Variants in OSBPL10 observed in about 807,000 individuals in gnomAD.
OSBPL10 encodes the protein oxysterol binding protein like 10, also known as oxysterol-binding protein-related protein 10.
Under a neutral mutation model 81.7 loss-of-function variants are expected in OSBPL10, and 49 were observed. The ratio of observed to expected loss-of-function variants is 0.60; its 90% CI spans 0.48 to 0.76. OSBPL10 has a LOEUF of 0.76. OSBPL10 is among the 30% of genes least tolerant of loss of function. OSBPL10 has a pLI of 0.00. For synonymous variants in OSBPL10, 419 were observed against 383.6 expected (o/e 1.09, Z -1.08); for missense variants, 923 against 987.8 (o/e 0.93, Z 0.88).
At chr3:31,991,728 T>C (rs1699032552) in intron 2 of OSBPL10, 1 of 155,876 alleles carries the variant, frequency 6.4e-6, no homozygotes, top group Non-Finnish European at 1.5e-5. Flanking sequence ...AAAAAATGGA[T>C]AACTAATACA....
At chr3:31,725,211 A>G (rs1349248225) in intron 6 of OSBPL10, among the ~76,000 whole-genome samples, 1 of 152,236 alleles carries the variant, frequency 6.6e-6, no homozygotes, top group Admixed American at 6.5e-5. Flanking sequence ...AGTGAATAAA[A>G]TAATTGCATA....
intron 1 of OSBPL10, among the ~76,000 whole-genome samples, chr3:32,067,537 G>A (rs191162488): frequency 4.6e-5 from 7 of 152,306 alleles, no homozygotes; most frequent in African/African-American, 1.7e-4. Context: ...CAGATGGCCT[G>A]AAGCAACTGA....
At chr3:31,772,886 C>T (rs986962534) in intron 4 of OSBPL10, among the ~76,000 whole-genome samples, 18 of 152,134 alleles carry the variant, frequency 1.2e-4, no homozygotes, top group African/African-American at 4.1e-4. Flanking sequence ...ATTCTCGGAA[C>T]CTTCCTCTTC....
At position 31,988,603 on chromosome 3, in the gene OSBPL10, T is replaced by TCTCG. The variant is rs561393896; in HGVS notation, n.298+57884_298+57887dup. The TCTCG allele has an allele frequency of 1.7e-4, 30 of 174,570 alleles. No homozygotes were observed. The South Asian group carries it at 4.1e-3, about 24-fold the overall frequency. 10.8% of individuals were successfully genotyped at this position (174,570 alleles called of 1,614,324 possible). ...AGCTTATAAACAGGGGAGTGTTCAC[T>TCTCG]CTCGCTCTCTCTCTCTCTTTCTCTC... On this transcript the variant is annotated intron_variant and non_coding_transcript_variant, in intron 2 of 3. Coordinates refer to the OSBPL10 transcript ENST00000479173.
intron 1 of OSBPL10, among the ~76,000 whole-genome samples, chr3:31,901,502 T>A (rs1029905054): frequency 5.9e-5 from 9 of 152,230 alleles, no homozygotes; most frequent in African/African-American, 2.2e-4. Flanking sequence ...TTCTTACTTG[T>A]GCTTTCAGAT....
At chr3:32,024,978 G>C (rs570503235) in intron 2 of OSBPL10, among the ~76,000 whole-genome samples, 4 of 152,204 alleles carry the variant, frequency 2.6e-5, no homozygotes, top group African/African-American at 7.2e-5. Context: ...TTGCAACATG[G>C]ATGTCTTTTT....
At chr3:31,680,221 CAGAG>C (rs1330307015) in intron 8 of OSBPL10, among the ~76,000 whole-genome samples, 1 of 152,222 alleles carries the variant, frequency 6.6e-6, no homozygotes, top group Non-Finnish European at 1.5e-5. Flanking sequence ...TTCTCAGTGT[CAGAG>C]AGAGGCCTCA....
intron 4 of OSBPL10, among the ~76,000 whole-genome samples, chr3:31,802,562 A>AAC (rs1379420212): frequency 6.6e-6 from 1 of 150,990 alleles, no homozygotes; most frequent in African/African-American, 2.4e-5. Flanking sequence ...AAAAAAAAAA[A>AAC]AAAAAAAAAG....
intron 8 of OSBPL10, among the ~76,000 whole-genome samples, chr3:31,674,111 T>C (rs1053353113): frequency 1.3e-5 from 2 of 152,120 alleles, no homozygotes; most frequent in Non-Finnish European, 1.5e-5. Flanking sequence ...ATGTTGAAAT[T>C]TGATCTCCAA....
At chr3:31,850,550 A>G (rs1033820422) in intron 3 of OSBPL10, among the ~76,000 whole-genome samples, 1 of 152,190 alleles carries the variant, frequency 6.6e-6, no homozygotes, top group African/African-American at 2.4e-5. Flanking sequence ...CAACGTGTAA[A>G]AAAGGAAACC....
At chr3:31,756,010 A>G (rs539503363) in intron 4 of OSBPL10, among the ~76,000 whole-genome samples, 1 of 152,316 alleles carries the variant, frequency 6.6e-6, no homozygotes, top group South Asian at 2.1e-4. Context: ...TATCTTTACA[A>G]ACTCCTTAGG....
chr3:31,767,737 C>A (rs1220114146), intron 4 of OSBPL10, among the ~76,000 whole-genome samples: 2 of 152,150 alleles, frequency 1.3e-5, no homozygotes, highest in Non-Finnish European at 2.9e-5. Flanking sequence ...TGAATGCACC[C>A]TTCAGGCTCT....
chr3:31,989,511 G>T (rs1698993336), intron 2 of OSBPL10: 2 of 1,614,138 alleles, frequency 1.2e-6, no homozygotes, highest in East Asian at 2.2e-5. Flanking sequence ...ATGATCGAAG[G>T]CATCCTGGAA....
At chr3:31,978,678 G>A (rs1201311923) in intron 1 of OSBPL10, among the ~76,000 whole-genome samples, 1 of 152,166 alleles carries the variant, frequency 6.6e-6, no homozygotes, top group Admixed American at 6.5e-5. Context: ...TTGGAAAACG[G>A]TGAGTCTACT....
At chr3:31,871,004 C>T (rs7639994) in intron 3 of OSBPL10, among the ~76,000 whole-genome samples, 46 of 152,252 alleles carry the variant, frequency 3.0e-4, no homozygotes, top group African/African-American at 1.1e-3. Context: ...ATTGTAAACG[C>T]ACCAATCAGC....
intron 1 of OSBPL10, among the ~76,000 whole-genome samples, chr3:31,964,181 G>A (rs965949238): frequency 2.6e-5 from 4 of 151,810 alleles, no homozygotes; most frequent in African/African-American, 9.7e-5. Flanking sequence ...GTTTGATACA[G>A]GGTCTCACAC....
chr3:31,907,944 A>G (rs186909791), intron 1 of OSBPL10, among the ~76,000 whole-genome samples: 2 of 152,296 alleles, frequency 1.3e-5, no homozygotes, highest in African/African-American at 2.4e-5. Flanking sequence ...AACAGGCTAC[A>G]GTGTTGGAGG....
intron 1 of OSBPL10, chr3:31,960,171 TCA>T (rs1462483772): frequency 6.6e-6 from 1 of 152,152 alleles, no homozygotes; most frequent in African/African-American, 2.4e-5. Context: ...TTGAAGCAGC[TCA>T]CAGTCTGGGA....
intron 4 of OSBPL10, among the ~76,000 whole-genome samples, chr3:31,812,579 A>G (rs1428935712): frequency 6.6e-6 from 1 of 152,094 alleles, no homozygotes. Context: ...AAATGTTAGG[A>G]AATTCTAAAT....
Sources: gnomAD v4.1 joint callset for allele counts (sites outside exome capture counted in the v4.1 genomes callset) on GRCh38, gnomAD v4.1.1 for gene constraint, MANE v1.5 for transcripts, NCBI Gene and HGNC (gene_info 2026-07-23, HGNC 2026-07-21) for gene names.